The following DNAJC1 variants were observed in gnomAD, a reference collection of about 807,000 sequenced individuals.
DNAJC1 encodes dnaJ homolog subfamily C member 1.
Under a neutral mutation model 76.6 loss-of-function variants are expected in DNAJC1, and 58 were observed. That is an observed-to-expected ratio of 0.76 (90% CI 0.61 to 0.94). The LOEUF (loss-of-function observed/expected upper bound fraction) is 0.94, where lower values mean the gene tolerates loss of function less well. Ranked by LOEUF, DNAJC1 falls within the 40% of genes least tolerant of loss-of-function variation. The probability of loss-of-function intolerance (pLI) is 0.00; values close to 1 mark genes in which losing one functional copy is unlikely to be tolerated. For missense variants in DNAJC1, 689 were observed against 677.3 expected (o/e 1.02, Z -0.19); for synonymous variants, 258 against 267.9 (o/e 0.96, Z 0.36).
intron 6 of DNAJC1, among the ~76,000 whole-genome samples, chr10:21,907,336 T>C (rs1836763612): frequency 6.6e-6 from 1 of 151,994 alleles, no homozygotes; most frequent in South Asian, 2.1e-4. Context: ...ATCTTACCTA[T>C]GCTTTGAAAT....
At chr10:21,892,031 G>A (rs1836470510) in intron 7 of DNAJC1, among the ~76,000 whole-genome samples, 1 of 151,944 alleles carries the variant, frequency 6.6e-6, no homozygotes. Context: ...AGAAGGTAAA[G>A]GGATTTAAGG....
At chr10:21,954,801 G>A (rs1284558000) in intron 1 of DNAJC1, among the ~76,000 whole-genome samples, 1 of 152,038 alleles carries the variant, frequency 6.6e-6, no homozygotes, top group Non-Finnish European at 1.5e-5. Context: ...TGTAAGATAG[G>A]TACTACTATT....
chr10:21,805,061 G>C (rs992806944), intron 9 of DNAJC1, among the ~76,000 whole-genome samples: 1 of 152,010 alleles, frequency 6.6e-6, no homozygotes, highest in East Asian at 1.9e-4. Context: ...TGGTAGCCAT[G>C]TTCAGTAATC....
chr10:21,825,787 T>C (rs1213971640), intron 8 of DNAJC1, among the ~76,000 whole-genome samples: 2 of 152,244 alleles, frequency 1.3e-5, no homozygotes, highest in Non-Finnish European at 2.9e-5. Context: ...TGATGTTGAA[T>C]ACCTTTTCAT....
intron 9 of DNAJC1, among the ~76,000 whole-genome samples, chr10:21,767,617 A>G (rs988676291): frequency 6.6e-5 from 10 of 152,208 alleles, no homozygotes; most frequent in African/African-American, 2.2e-4. Context: ...TAAAATTTAC[A>G]GAGTGTAATG....
intron 1 of DNAJC1, among the ~76,000 whole-genome samples, chr10:21,939,950 A>C (rs1837377800): frequency 2.0e-5 from 3 of 151,098 alleles, no homozygotes; most frequent in African/African-American, 7.2e-5. Flanking sequence ...TCTCAAAAAA[A>C]AAAAAAAAAA....
intron 8 of DNAJC1, among the ~76,000 whole-genome samples, chr10:21,868,296 G>T (rs1836042508): frequency 6.6e-6 from 1 of 151,178 alleles, no homozygotes; most frequent in South Asian, 2.1e-4. Flanking sequence ...AGCTAATTTT[G>T]TATTTTTAGT....
chr10:21,837,149 G>C (rs556445287), intron 8 of DNAJC1, among the ~76,000 whole-genome samples: 1 of 152,386 alleles, frequency 6.6e-6, no homozygotes, highest in Admixed American at 6.5e-5. Context: ...CTAACCGCGA[G>C]TGATCTGCCA....
intron 1 of DNAJC1, among the ~76,000 whole-genome samples, chr10:21,938,116 C>T (rs1255828900): frequency 6.6e-6 from 1 of 152,002 alleles, no homozygotes; most frequent in Non-Finnish European, 1.5e-5. Context: ...GGATTCATTC[C>T]TTCTGGAAGA....
intron 7 of DNAJC1, among the ~76,000 whole-genome samples, chr10:21,901,553 A>AT (rs1836654891): frequency 6.6e-6 from 1 of 152,098 alleles, no homozygotes; most frequent in Non-Finnish European, 1.5e-5. Flanking sequence ...TATATCAACA[A>AT]TTTTTTTACA....
chr10:21,802,234 C>T (rs933843834), intron 9 of DNAJC1, among the ~76,000 whole-genome samples: 3 of 152,072 alleles, frequency 2.0e-5, no homozygotes, highest in African/African-American at 4.8e-5. Context: ...ACTGGTACAG[C>T]GGCAGTGAGG....
At chr10:21,945,614 T>C (rs948972687) in intron 1 of DNAJC1, among the ~76,000 whole-genome samples, 1 of 152,070 alleles carries the variant, frequency 6.6e-6, no homozygotes, top group African/African-American at 2.4e-5. Flanking sequence ...TGTAGGTTGG[T>C]TGTAAGATGA....
chr10:21,763,211 G>A (rs562241613), intron 10 of DNAJC1, among the ~76,000 whole-genome samples: 62 of 152,326 alleles, frequency 4.1e-4, no homozygotes, highest in Non-Finnish European at 6.5e-4. Context: ...GATTACAGGC[G>A]TGAGGCACCG....
rs1003662332 is a variant in DNAJC1 at position 21,782,833 on chromosome 10, T to A, written c.1099-16524A>T. ...TTATCTCAATAGATGCAGAAAGGCCTTTGACAAAATTCAACAACCCTTCAT... is the reference window on the plus strand; with the variant it reads ...TTATCTCAATAGATGCAGAAAGGCCATTGACAAAATTCAACAACCCTTCAT... On this transcript the variant is annotated intron_variant, in intron 9 of 11. Coordinates refer to ENST00000376980, the MANE Select transcript of DNAJC1 (RefSeq NM_022365.4). 4.6e-5 allele frequency among the ~76,000 whole-genome samples: 7 copies of A among 152,194 alleles called. No homozygotes were observed. The South Asian group carries it at 8.3e-4, about 18-fold the overall frequency.
chr10:21,978,685 T>C lies in DNAJC1; in HGVS notation c.222+24528A>G, dbSNP rs149108529. ...AAAGTAGATGAAGAAGTAGAATGAGTCACAGGAAAAAGAGGGAAAAGACTG... is the reference window on the plus strand; with the variant it reads ...AAAGTAGATGAAGAAGTAGAATGAGCCACAGGAAAAAGAGGGAAAAGACTG... On this transcript the variant is annotated intron_variant, in intron 1 of 11. Coordinates refer to ENST00000376980, the MANE Select transcript of DNAJC1 (RefSeq NM_022365.4). Among the ~76,000 whole-genome samples the C allele has an allele frequency of 3.2e-3, 484 of 151,938 alleles. 2 individuals are homozygous for C. The highest frequency in any genetic ancestry group is 0.011 in the African/African-American group (468 of 41,460).
At chr10:21,807,756 C>A (rs888158904) in intron 8 of DNAJC1, among the ~76,000 whole-genome samples, 2 of 152,258 alleles carry the variant, frequency 1.3e-5, no homozygotes, top group East Asian at 3.9e-4. Flanking sequence ...ACAATACATG[C>A]ATAAATTCAC....
intron 1 of DNAJC1, among the ~76,000 whole-genome samples, chr10:21,929,939 T>A (rs1300634885): frequency 6.6e-6 from 1 of 152,212 alleles, no homozygotes; most frequent in African/African-American, 2.4e-5. Flanking sequence ...ATGGCCAGTA[T>A]AAAATGCATA....
chr10:21,952,741 A>G (rs2131809138), intron 1 of DNAJC1, among the ~76,000 whole-genome samples: 1 of 152,280 alleles, frequency 6.6e-6, no homozygotes, highest in Non-Finnish European at 1.5e-5. Flanking sequence ...CCTGGGTGAC[A>G]GAGCAAGACT....
At chr10:21,873,505 T>G (rs900300301) in intron 8 of DNAJC1, among the ~76,000 whole-genome samples, 1 of 152,084 alleles carries the variant, frequency 6.6e-6, no homozygotes, top group African/African-American at 2.4e-5. Flanking sequence ...AGAATTAATA[T>G]ATGTGGAAAA....
Sources: allele counts gnomAD v4.1 joint callset (sites outside exome capture counted in the v4.1 genomes callset), GRCh38; gene constraint gnomAD v4.1.1; transcripts MANE v1.5; gene names NCBI Gene and HGNC (gene_info 2026-07-23, HGNC 2026-07-21).